The following FAM228B variants were observed in gnomAD, a reference collection of about 807,000 sequenced individuals.
FAM228B encodes family with sequence similarity 228 member B, also known as protein FAM228B.
Under a neutral mutation model 42.6 loss-of-function variants are expected in FAM228B, and 38 were observed. The ratio of observed to expected loss-of-function variants is 0.89; its 90% confidence interval spans 0.69 to 1.17. The LOEUF (loss-of-function observed/expected upper bound fraction) is 1.17, where lower values mean the gene tolerates loss of function less well. FAM228B is among the 50% of genes most tolerant of loss of function. The pLI is 0.00. For missense variants in FAM228B, 344 were observed against 367.3 expected (o/e 0.94, Z 0.52); for synonymous variants, 109 against 122.3 (o/e 0.89, Z 0.72).
chr2:24,105,062 C>T (rs747009474), intron 3 of FAM228B, among the ~76,000 whole-genome samples: 1 of 152,264 alleles, frequency 6.6e-6, no homozygotes, highest in Non-Finnish European at 1.5e-5. Context: ...AACACCCAGA[C>T]AGCAGGGCAG....
chr2:24,136,053 CTTTTTTTTTTTTT>C (rs5829917), intron 3 of FAM228B, among the ~76,000 whole-genome samples: 1 of 35,794 alleles, frequency 2.8e-5, no homozygotes, highest in Non-Finnish European at 4.5e-5. Flanking sequence ...GATAACCCTT[CTTTTTTTTTTTTT>C]TTTTTTTTTT....
At chr2:24,125,191 A>G (rs1178689452) in intron 2 of FAM228B, among the ~76,000 whole-genome samples, 2 of 152,124 alleles carry the variant, frequency 1.3e-5, no homozygotes, top group Non-Finnish European at 2.9e-5. Context: ...GACCAGGCAG[A>G]GCAATATACT....
At chr2:24,123,858 G>A (rs1056243953) in intron 1 of FAM228B, among the ~76,000 whole-genome samples, 1 of 152,170 alleles carries the variant, frequency 6.6e-6, no homozygotes, top group East Asian at 1.9e-4. Context: ...CGACATCCCC[G>A]TCGCACCCGT....
rs189810120 is a variant in FAM228B at position 24,165,385 on chromosome 2, C to A, written c.932+1050C>A. 1,078 of 471,114 alleles carry A rather than the reference C, an allele frequency of 2.3e-3. 9 individuals carry two copies. Among genetic ancestry groups the A allele is most frequent in the Non-Finnish European group, 3.8e-3 (857 of 227,034 alleles). The allele number at this position is 471,114 out of a possible 1,614,324, so 29.2% of individuals were successfully genotyped here. The stretch of plus-strand genomic sequence containing the variant: ...AATGCCTTTTCAGGTCCTCTCTGTG[C>A]AGATGTGATCATCCCTCCAACTCCT... On this transcript the variant is annotated intron_variant, in intron 9 of 10. Transcript: ENST00000615575.
intron 3 of FAM228B, among the ~76,000 whole-genome samples, chr2:24,105,642 C>G (rs557204080): frequency 1.2e-4 from 18 of 152,210 alleles, no homozygotes; most frequent in African/African-American, 4.1e-4. Flanking sequence ...AAATAGAATT[C>G]AGAATATGGA....
chr2:24,161,729 A>G (rs1229308063), intron 8 of FAM228B, 116 bp downstream of exon 8: 5 of 686,658 alleles, frequency 7.3e-6, no homozygotes, highest in Non-Finnish European at 1.3e-5. Context: ...ACAAAGCTCC[A>G]TTGTGGCAGG....
At chr2:24,167,713 T>C in intron 10 of FAM228B, 30 bp downstream of exon 10, 1 of 1,550,676 alleles carries the variant, frequency 6.4e-7, no homozygotes, top group Non-Finnish European at 8.7e-7. Context: ...CCCTTCTTAC[T>C]CTCCTATTCC....
At chr2:24,141,668 G>A (rs534688866) in intron 5 of FAM228B, among the ~76,000 whole-genome samples, 3 of 152,290 alleles carry the variant, frequency 2.0e-5, no homozygotes, top group South Asian at 2.1e-4. Context: ...GTGAGCCACC[G>A]CGCCTGGCCT....
exon 1 of FAM228B, chr2:24,076,912 C>T (rs1180294903): frequency 7.6e-6 from 1 of 130,746 alleles, no homozygotes; most frequent in African/African-American, 3.4e-5. Flanking sequence ...GGGTGGGGCC[C>T]AGGTGAGTAG....
At chr2:24,149,982 T>C (rs1666988661) in intron 7 of FAM228B, among the ~76,000 whole-genome samples, 1 of 152,240 alleles carries the variant, frequency 6.6e-6, no homozygotes, top group Non-Finnish European at 1.5e-5. Flanking sequence ...AAAAGAAAAC[T>C]AGTGAAAACT....
intron 7 of FAM228B, among the ~76,000 whole-genome samples, chr2:24,160,061 T>C (rs550283737): frequency 4.0e-5 from 6 of 151,778 alleles, no homozygotes; most frequent in African/African-American, 1.5e-4. Flanking sequence ...TGACCTTGGC[T>C]AACTGCAGCC....
At chr2:24,079,133 T>C (rs1664886373) in intron 1 of FAM228B, 1 of 272,084 alleles carries the variant, frequency 3.7e-6, no homozygotes, top group Admixed American at 4.7e-5. Flanking sequence ...AGATGAATTC[T>C]GCCTTTGAAA....
At chr2:24,127,405 T>C (rs1054621000) in intron 2 of FAM228B, among the ~76,000 whole-genome samples, 1 of 152,224 alleles carries the variant, frequency 6.6e-6, no homozygotes, top group Non-Finnish European at 1.5e-5. Context: ...GCTATGAACA[T>C]TTTGTGTAAC....
chr2:24,151,232 T>G (rs992063239), intron 7 of FAM228B, among the ~76,000 whole-genome samples: 2 of 152,176 alleles, frequency 1.3e-5, no homozygotes, highest in African/African-American at 4.8e-5. Context: ...GATGTATTCT[T>G]CAGCATGTCA....
chr2:24,169,254 T>G lies in FAM228B; in HGVS notation c.*15-102T>G. On this transcript the variant is annotated intron_variant, in intron 10 of 10. Transcript: ENST00000615575. The surrounding 1 kb of genome is among the most constrained non-coding windows in gnomAD (Gnocchi z 4.2). ...GTCACTCGGCTCTGGCAGGACAGGC[T>G]TCAGGGGGATCAGCTCAGCTTAGCT... is the stretch of plus-strand genomic sequence containing the variant. The G allele has an allele frequency of 5.1e-6, 2 of 395,702 alleles. No individual in the cohort carries two copies. The highest frequency in any genetic ancestry group is 4.9e-5 in the Admixed American group (2 of 41,222). 24.5% of individuals were successfully genotyped at this position (395,702 alleles called of 1,614,324 possible). A position where few individuals can be genotyped will look rare whatever the true frequency, so the allele number is the denominator to read the frequency against.
upstream of FAM228B, chr2:24,122,541 C>T (rs1237534893): frequency 6.3e-7 from 1 of 1,598,784 alleles, no homozygotes; most frequent in Non-Finnish European, 8.6e-7. Context: ...CTCATGTTCC[C>T]TCAACTCTGA....
At chr2:24,158,104 C>T (rs1353141305) in intron 7 of FAM228B, among the ~76,000 whole-genome samples, 3 of 151,680 alleles carry the variant, frequency 2.0e-5, no homozygotes, top group Non-Finnish European at 4.4e-5. Context: ...TTTTCCCTCC[C>T]TTCTACTCTG....
chr2:24,127,386 A>T (rs534803226), intron 2 of FAM228B, among the ~76,000 whole-genome samples: 5 of 152,274 alleles, frequency 3.3e-5, no homozygotes, highest in Admixed American at 2.0e-4. Flanking sequence ...TGCTGTTATG[A>T]ATAATGCTGC....
chr2:24,115,374 C>T (rs142465349), intron 3 of FAM228B: 27 of 561,904 alleles, frequency 4.8e-5, no homozygotes, highest in African/African-American at 3.6e-4. Context: ...CATTCCATGC[C>T]GATGACCAAC....
Sources: gnomAD v4.1 joint callset for allele counts (sites outside exome capture counted in the v4.1 genomes callset) on GRCh38, gnomAD v4.1.1 for gene constraint, Gnocchi (gnomAD v3.1) non-coding constraint, MANE v1.5 for transcripts, NCBI Gene and HGNC (gene_info 2026-07-23, HGNC 2026-07-21) for gene names.